The following IMMP2L variants were observed in gnomAD, a reference collection of about 807,000 sequenced individuals.
The protein encoded by IMMP2L is mitochondrial inner membrane protease subunit 2.
Under a neutral mutation model 19.3 loss-of-function variants are expected in IMMP2L, and 18 were observed. That is an observed-to-expected ratio of 0.93 (90% CI 0.64 to 1.38). The LOEUF (loss-of-function observed/expected upper bound fraction) is 1.38, where lower values mean the gene tolerates loss of function less well. Among genes scored for constraint, IMMP2L ranks in the 40% most tolerant of loss-of-function variants. The probability of loss-of-function intolerance (pLI) is 0.00; values close to 1 mark genes in which losing one functional copy is unlikely to be tolerated. For synonymous variants in IMMP2L, 76 were observed against 73.0 expected (o/e 1.04, Z -0.21); for missense variants, 233 against 218.2 (o/e 1.07, Z -0.43).
intron 4 of IMMP2L, among the ~76,000 whole-genome samples, chr7:110,955,835 C>T (rs1818299332): frequency 6.6e-6 from 1 of 150,770 alleles, no homozygotes; most frequent in Non-Finnish European, 1.5e-5. Flanking sequence ...TATTAATCTA[C>T]CAAAAAATGA....
chr7:111,542,175 A>C (rs575817873), intron 1 of IMMP2L, among the ~76,000 whole-genome samples: 2 of 152,216 alleles, frequency 1.3e-5, no homozygotes, highest in South Asian at 4.1e-4. Flanking sequence ...TTAGCCATTC[A>C]CAAAAATCAG....
chr7:111,188,943 C>G (rs1202064308), intron 3 of IMMP2L, among the ~76,000 whole-genome samples: 2 of 152,006 alleles, frequency 1.3e-5, no homozygotes, highest in African/African-American at 4.8e-5. Flanking sequence ...CCTGGAAGAT[C>G]AGAACTACAG....
chr7:110,903,615 C>T (rs1434464608), intron 4 of IMMP2L, among the ~76,000 whole-genome samples: 1 of 152,096 alleles, frequency 6.6e-6, no homozygotes, highest in Non-Finnish European at 1.5e-5. Flanking sequence ...AATAGTATTC[C>T]ATTGTATGTC....
chr7:111,156,642 T>A (rs184989739), intron 3 of IMMP2L, among the ~76,000 whole-genome samples: 3 of 152,170 alleles, frequency 2.0e-5, no homozygotes, highest in African/African-American at 7.2e-5. Context: ...TGTGCACAGG[T>A]TTTACAAAAC....
chr7:111,402,998 C>CCT lies in IMMP2L; in HGVS notation c.239+84239_239+84240insAG. On this transcript the variant is annotated intron_variant, in intron 3 of 5. Transcript: ENST00000405709. Reference sequence around the variant, plus strand: ...CGGCTCACTGCAGCCTTGACCCCCCCCCCCCACCCCGCCAGGCTCAGGTGA... The same window carrying CCT: ...CGGCTCACTGCAGCCTTGACCCCCCCCTCCCCCACCCCGCCAGGCTCAGGTGA... Among the ~76,000 whole-genome samples, 2 of 99,732 alleles carry CCT rather than the reference C, an allele frequency of 2.0e-5. 1 individual carries two copies. Among genetic ancestry groups the CCT allele is most frequent in the African/African-American group, 8.7e-5 (2 of 23,026 alleles). 65.4% of individuals were successfully genotyped at this position (99,732 alleles called of 152,430 possible). A position where few individuals can be genotyped will look rare whatever the true frequency, so the allele number is the denominator to read the frequency against.
chr7:110,699,905 C>T (rs529726881), intron 5 of IMMP2L, among the ~76,000 whole-genome samples: 82 of 152,268 alleles, frequency 5.4e-4, no homozygotes, highest in African/African-American at 1.9e-3. Flanking sequence ...GAAAGCATCT[C>T]ATGGTAAAGA....
At chr7:110,788,392 T>C (rs1800231131) in intron 5 of IMMP2L, among the ~76,000 whole-genome samples, 4 of 151,850 alleles carry the variant, frequency 2.6e-5, no homozygotes, top group African/African-American at 4.8e-5. Context: ...CTTGCTTTTC[T>C]TGGCTTCTAG....
At position 111,165,901 on chromosome 7, in the gene IMMP2L, A is replaced by C. The variant is rs374057940; in HGVS notation, c.240-202336T>G. Among the ~76,000 whole-genome samples the C allele has an allele frequency of 5.9e-5, 9 of 152,202 alleles. No homozygotes were observed. The East Asian group carries it at 1.4e-3, about 23-fold the overall frequency. ...TTCTCAATTAATATAGGTTTTGATT[A>C]ATATTAATGATTGCTCTCAGCCAAT... On this transcript the variant is annotated intron_variant, in intron 3 of 5. Transcript: ENST00000405709.
intron 2 of IMMP2L, among the ~76,000 whole-genome samples, chr7:111,507,761 G>T (rs1845067990): frequency 6.6e-6 from 1 of 152,136 alleles, no homozygotes. Context: ...GTATCTGCTT[G>T]TGATCCTGCA....
rs563286461 is a variant in IMMP2L, at chr7:111,123,407, T to C, written c.240-159842A>G. The stretch of plus-strand genomic sequence containing the variant: ...AAAGACATGAACTTTAAGCCTCTTA[T>C]CAATCTTCGCAGCCTGGTTATAGCT... On this transcript the variant is annotated intron_variant, in intron 3 of 5. Transcript: ENST00000405709. The surrounding 1 kb of genome is among the most constrained non-coding windows in gnomAD (Gnocchi z 6.4). The C allele has an allele frequency of 3.1e-6, 5 of 1,613,712 alleles. No homozygotes were observed. The highest frequency in any genetic ancestry group is 3.4e-6 in the Non-Finnish European group (4 of 1,179,902).
At chr7:111,301,813 G>C (rs116760237) in intron 3 of IMMP2L, among the ~76,000 whole-genome samples, 2,922 of 147,172 alleles carry the variant, frequency 0.02, 101 homozygotes, top group African/African-American at 0.069. Flanking sequence ...ATTGATCTAT[G>C]TGTCTATCCC....
At chr7:111,312,670 A>G (rs1823645407) in intron 3 of IMMP2L, among the ~76,000 whole-genome samples, 1 of 152,166 alleles carries the variant, frequency 6.6e-6, no homozygotes, top group South Asian at 2.1e-4. Context: ...TGACTTTAGT[A>G]AACACTTCAT....
chr7:110,776,899 T>C (rs892956301), intron 5 of IMMP2L, among the ~76,000 whole-genome samples: 4 of 151,970 alleles, frequency 2.6e-5, no homozygotes, highest in African/African-American at 7.2e-5. Flanking sequence ...GAGGGTTGAT[T>C]TTTAAAAAAA....
At chr7:111,267,939 AT>A (rs1437221426) in intron 3 of IMMP2L, among the ~76,000 whole-genome samples, 2 of 152,088 alleles carry the variant, frequency 1.3e-5, no homozygotes, top group East Asian at 3.9e-4. Context: ...GAAGTAGTAA[AT>A]TCTGGCCCAT....
intron 3 of IMMP2L, among the ~76,000 whole-genome samples, chr7:111,297,893 T>G (rs1221078085): frequency 6.6e-6 from 1 of 152,114 alleles, no homozygotes; most frequent in Admixed American, 6.6e-5. Context: ...AGTGATTTCA[T>G]GCAGCCAGAA....
Position 111,105,487 on chromosome 7 carries a change from C to T in IMMP2L, c.240-141922G>A, listed in dbSNP as rs761113423. Among the ~76,000 whole-genome samples the T allele has an allele frequency of 4.0e-5, 6 of 151,874 alleles. No homozygotes were observed. In the South Asian group the frequency reaches 8.3e-4, roughly 21 times the overall value. ...TTCCATGACAACAGAAACTTACTGA[C>T]GGACAATTTACATCTGGTTTGCTCC... On this transcript the variant is annotated intron_variant, in intron 3 of 5. Transcript: ENST00000405709.
At chr7:111,255,740 T>C (rs1816625975) in intron 3 of IMMP2L, among the ~76,000 whole-genome samples, 1 of 152,050 alleles carries the variant, frequency 6.6e-6, no homozygotes, top group Non-Finnish European at 1.5e-5. Flanking sequence ...GTCTACTCTT[T>C]CCAAATCTCA....
intron 3 of IMMP2L, among the ~76,000 whole-genome samples, chr7:111,023,511 G>A (rs541915609): frequency 6.7e-6 from 1 of 150,328 alleles, no homozygotes; most frequent in Non-Finnish European, 1.5e-5. Context: ...GACCAGCCTG[G>A]CCAAATCGTG....
chr7:111,531,599 C>T (rs113827879), intron 1 of IMMP2L, among the ~76,000 whole-genome samples: 3,062 of 152,214 alleles, frequency 0.02, 105 homozygotes, highest in African/African-American at 0.07. Flanking sequence ...ACCATTAGCA[C>T]GGAGAAGCTT....
Sources: gnomAD v4.1 joint callset for allele counts (sites outside exome capture counted in the v4.1 genomes callset) on GRCh38, gnomAD v4.1.1 for gene constraint, Gnocchi (gnomAD v3.1) non-coding constraint, MANE v1.5 for transcripts, NCBI Gene and HGNC (gene_info 2026-07-23, HGNC 2026-07-21) for gene names.